FRMD3: variants seen among roughly 807,000 people sequenced by gnomAD.
FRMD3 encodes FERM domain-containing protein 3.
FRMD3 carries 33 observed loss-of-function variants against 70.2 expected under a neutral mutation model. The observed-to-expected ratio is 0.47, with a 90% CI of 0.36 to 0.63. The LOEUF is 0.63. FRMD3 is among the 20% of genes least tolerant of loss of function. The pLI, the probability that FRMD3 is intolerant of heterozygous loss-of-function variation, is 0.00. For synonymous variants in FRMD3, 279 were observed against 255.9 expected (o/e 1.09, Z -0.86); for missense variants, 632 against 711.4 (o/e 0.89, Z 1.27).
intron 10 of FRMD3, among the ~76,000 whole-genome samples, chr9:83,300,132 C>A (rs972639702): frequency 1.3e-5 from 2 of 152,212 alleles, no homozygotes; most frequent in East Asian, 3.8e-4. Context: ...GAAGTTTCAG[C>A]GCAGTGATCC....
At chr9:83,338,996 A>C (rs1236357306) in intron 5 of FRMD3, among the ~76,000 whole-genome samples, 7 of 152,178 alleles carry the variant, frequency 4.6e-5, no homozygotes, top group African/African-American at 1.7e-4. Flanking sequence ...GTAATTTCCA[A>C]AGGTGATGGG....
intron 13 of FRMD3, among the ~76,000 whole-genome samples, chr9:83,262,219 T>A (rs1833026071): frequency 6.6e-6 from 1 of 152,130 alleles, no homozygotes. Flanking sequence ...CTTCAATACA[T>A]CCAAACCCAA....
intron 13 of FRMD3, among the ~76,000 whole-genome samples, chr9:83,257,222 G>T (rs919873392): frequency 6.6e-6 from 1 of 152,158 alleles, no homozygotes; most frequent in Admixed American, 6.5e-5. Context: ...TCCTTTGCAG[G>T]GACATGGATG....
chr9:83,275,119 C>G (rs961877522), intron 13 of FRMD3, among the ~76,000 whole-genome samples: 1 of 152,132 alleles, frequency 6.6e-6, no homozygotes, highest in Non-Finnish European at 1.5e-5. Context: ...CTGTTATGTG[C>G]CCTCCAGGTG....
intron 12 of FRMD3, among the ~76,000 whole-genome samples, chr9:83,292,301 G>A (rs1361952689): frequency 2.6e-5 from 4 of 151,740 alleles, no homozygotes; most frequent in African/African-American, 9.7e-5. Context: ...TGGGATTACA[G>A]GTGTGTGCCA....
At position 83,443,844 on chromosome 9, in the gene FRMD3, G is replaced by A. The variant is rs112944698; in HGVS notation, c.148-54136C>T. On this transcript the variant is annotated intron_variant, in intron 1 of 13. Transcript: ENST00000304195. ...TAATGATCGCCATTCCAACTGGTGT[G>A]AGATGGCATCTCATTGTGGTGAGAG... Among the ~76,000 whole-genome samples, 639 of 152,242 alleles carry A rather than the reference G, an allele frequency of 4.2e-3. 12 individuals carry two copies. Among genetic ancestry groups the A allele is most frequent in the African/African-American group, 0.014 (578 of 41,540 alleles).
At chr9:83,314,518 T>C (rs958608693) in intron 6 of FRMD3, among the ~76,000 whole-genome samples, 2 of 152,216 alleles carry the variant, frequency 1.3e-5, no homozygotes, top group Non-Finnish European at 2.9e-5. Flanking sequence ...TGTAAAATTA[T>C]ATTGCAATAT....
At chr9:83,369,823 G>A (rs1025028166) in intron 3 of FRMD3, among the ~76,000 whole-genome samples, 1 of 152,098 alleles carries the variant, frequency 6.6e-6, no homozygotes, top group South Asian at 2.1e-4. Flanking sequence ...TTCTTGGAAG[G>A]ATATACAAAA....
the FRMD3 span, among the ~76,000 whole-genome samples, chr9:83,577,032 T>C: frequency 1.3e-5 from 2 of 152,026 alleles, no homozygotes; most frequent in Non-Finnish European, 2.9e-5. Flanking sequence ...TTAAAACAAC[T>C]ACAAATTCTT....
At chr9:83,264,831 C>T (rs568030734) in intron 13 of FRMD3, among the ~76,000 whole-genome samples, 6 of 150,960 alleles carry the variant, frequency 4.0e-5, no homozygotes, top group Non-Finnish European at 5.9e-5. Flanking sequence ...AAGGTATATC[C>T]CTATACCATG....
intron 1 of FRMD3, among the ~76,000 whole-genome samples, chr9:83,451,592 C>T (rs541831224): frequency 2.6e-5 from 4 of 152,242 alleles, no homozygotes; most frequent in South Asian, 2.1e-4. Flanking sequence ...ACAGAATACC[C>T]GTGGCTAGCT....
intron 1 of FRMD3, among the ~76,000 whole-genome samples, chr9:83,392,154 G>T (rs1465015341): frequency 6.6e-6 from 1 of 151,808 alleles, no homozygotes; most frequent in African/African-American, 2.4e-5. Flanking sequence ...CCTGCCTTGG[G>T]TACACAAGCT....
chr9:83,272,942 G>A (rs1414716140), intron 13 of FRMD3, among the ~76,000 whole-genome samples: 5 of 148,104 alleles, frequency 3.4e-5, no homozygotes, highest in Non-Finnish European at 4.5e-5. Flanking sequence ...CCCTCCGCCC[G>A]GCAGCCGCCC....
At chr9:83,383,974 C>A (rs1405258949) in intron 2 of FRMD3, among the ~76,000 whole-genome samples, 1 of 152,202 alleles carries the variant, frequency 6.6e-6, no homozygotes, top group Admixed American at 6.5e-5. Context: ...AGCAATCTGA[C>A]AATTTCCCCA....
intron 1 of FRMD3, among the ~76,000 whole-genome samples, chr9:83,472,674 G>T (rs1023630830): frequency 6.6e-6 from 1 of 152,142 alleles, no homozygotes; most frequent in African/African-American, 2.4e-5. Flanking sequence ...CAACAGAAAA[G>T]TCAGATTTTC....
chr9:83,563,279 A>G, the FRMD3 span, among the ~76,000 whole-genome samples: 3 of 152,106 alleles, frequency 2.0e-5, no homozygotes, highest in African/African-American at 7.2e-5. Flanking sequence ...CTAAGACTCC[A>G]CACCACTTCC....
At position 83,246,046 on chromosome 9, in the gene FRMD3, T is replaced by C. The variant is rs893789724; in HGVS notation, c.*1872A>G. On this transcript the variant is annotated 3_prime_UTR_variant, in exon 14 of 14. Transcript: ENST00000304195. ...GCAAATATATAGTCATTTGCTCGAC[T>C]GCAGGCTTCACGAACTGAGTTTCAA... is the stretch of plus-strand genomic sequence containing the variant. 1.0e-6 allele frequency: 1 copy of C among 985,430 alleles called. No homozygotes were observed. Among genetic ancestry groups the C allele is most frequent in the South Asian group, 4.7e-5 (1 of 21,290 alleles). The allele number at this position is 985,430 out of a possible 1,614,324, so 61.0% of individuals were successfully genotyped here. A position where few individuals can be genotyped will look rare whatever the true frequency, so the allele number is the denominator to read the frequency against.
chr9:83,413,236 C>G lies in FRMD3; in HGVS notation c.148-23528G>C, dbSNP rs563330302. ...TTGAGATGGCCAAGTGGTAACCACT[C>G]TCTCAAAATCAGGTAGGCTCACCAA... On this transcript the variant is annotated intron_variant, in intron 1 of 13. Transcript: ENST00000304195. 3.0e-4 allele frequency among the ~76,000 whole-genome samples: 45 copies of G among 152,258 alleles called. 1 individual carries two copies. Among genetic ancestry groups the G allele is most frequent in the Middle Eastern group, 3.4e-3 (1 of 294 alleles).
chr9:83,494,340 G>A (rs1328518147), intron 1 of FRMD3, among the ~76,000 whole-genome samples: 2 of 152,174 alleles, frequency 1.3e-5, no homozygotes, highest in African/African-American at 2.4e-5. Context: ...GAAAAATGAA[G>A]TTTTTCCACA....
Sources: allele counts gnomAD v4.1 joint callset (sites outside exome capture counted in the v4.1 genomes callset), GRCh38; gene constraint gnomAD v4.1.1; transcripts MANE v1.5; gene names NCBI Gene and HGNC (gene_info 2026-07-23, HGNC 2026-07-21).